The following DACH1 variants were observed in gnomAD, a reference collection of about 807,000 sequenced individuals.
DACH1 encodes the protein dachshund family transcription factor 1, also known as dachshund homolog 1.
Under a neutral mutation model 54.2 loss-of-function variants are expected in DACH1, and 12 were observed. That is an observed-to-expected ratio of 0.22 (90% CI 0.14 to 0.36). The LOEUF is 0.36. Among genes scored for constraint, DACH1 ranks in the 10% least tolerant of loss-of-function variants. The probability of loss-of-function intolerance (pLI) is 1.00; values close to 1 mark genes in which losing one functional copy is unlikely to be tolerated. For synonymous variants in DACH1, 386 were observed against 366.2 expected (o/e 1.05, Z -0.62); for missense variants, 805 against 929.8 (o/e 0.87, Z 1.75).
chr13:71,814,262 T>C (rs1039910192), intron 1 of DACH1, among the ~76,000 whole-genome samples: 3 of 152,224 alleles, frequency 2.0e-5, no homozygotes, highest in African/African-American at 7.2e-5. Context: ...AAATTATGCA[T>C]GTTTCTTAGC....
At chr13:71,774,647 T>G (rs967106228) in intron 1 of DACH1, among the ~76,000 whole-genome samples, 1 of 152,154 alleles carries the variant, frequency 6.6e-6, no homozygotes, top group Non-Finnish European at 1.5e-5. Context: ...TTAGTAACTT[T>G]TGACTCATTC....
intron 3 of DACH1, among the ~76,000 whole-genome samples, chr13:71,580,893 A>G (rs1431310118): frequency 6.6e-6 from 1 of 152,100 alleles, no homozygotes; most frequent in East Asian, 1.9e-4. Flanking sequence ...AGCTGCTGTA[A>G]TCAAATTTAG....
At chr13:71,779,304 T>TA (rs1886267449) in intron 1 of DACH1, among the ~76,000 whole-genome samples, 2 of 145,660 alleles carry the variant, frequency 1.4e-5, no homozygotes, top group African/African-American at 5.0e-5. Context: ...CATATATATA[T>TA]TTATATACAT....
Position 71,501,004 on chromosome 13 carries a change from ACT to A in DACH1, c.1571-11858_1571-11857del, listed in dbSNP as rs1251616454. On this transcript the variant is annotated intron_variant, in intron 6 of 10. Transcript: ENST00000613252. ...CTTCAAGTCTTTAAACAATAGCTTA[ACT>A]CTCTCAACTGAAATTGTCAATCAAA... 4.0e-5 allele frequency among the ~76,000 whole-genome samples: 6 copies of A among 151,830 alleles called. No homozygotes were observed. The South Asian group carries it at 8.3e-4, about 21-fold the overall frequency.
intron 1 of DACH1, among the ~76,000 whole-genome samples, chr13:71,825,602 G>A: frequency 6.6e-6 from 1 of 151,996 alleles, no homozygotes; most frequent in Non-Finnish European, 1.5e-5. Context: ...ATGTTTTCAA[G>A]GTTCACCCAT....
chr13:71,609,607 C>A (rs1875157033), intron 3 of DACH1, among the ~76,000 whole-genome samples: 1 of 151,930 alleles, frequency 6.6e-6, no homozygotes, highest in Non-Finnish European at 1.5e-5. Flanking sequence ...CTCACTACAA[C>A]CTCCACTCCC....
At chr13:71,774,736 G>T (rs1421902621) in intron 1 of DACH1, among the ~76,000 whole-genome samples, 1 of 152,016 alleles carries the variant, frequency 6.6e-6, no homozygotes, top group Non-Finnish European at 1.5e-5. Flanking sequence ...ACACTTTCTA[G>T]GTACATGTCC....
intron 2 of DACH1, among the ~76,000 whole-genome samples, chr13:71,641,597 T>C (rs1042722077): frequency 1.3e-5 from 2 of 152,086 alleles, no homozygotes; most frequent in African/African-American, 4.8e-5. Context: ...AAAAAAACAA[T>C]CCTAGTTAAT....
At chr13:71,831,117 C>A (rs2138206818) in intron 1 of DACH1, among the ~76,000 whole-genome samples, 1 of 151,926 alleles carries the variant, frequency 6.6e-6, no homozygotes, top group East Asian at 1.9e-4. Context: ...TTTTCGCCAC[C>A]ACATGAAGTG....
chr13:71,767,413 A>G (rs1005615460), intron 1 of DACH1, among the ~76,000 whole-genome samples: 4 of 152,134 alleles, frequency 2.6e-5, no homozygotes, highest in Admixed American at 1.3e-4. Context: ...ACCACATAAT[A>G]AAAATTAATC....
intron 2 of DACH1, among the ~76,000 whole-genome samples, chr13:71,673,818 C>A (rs1352981175): frequency 6.6e-6 from 1 of 152,180 alleles, no homozygotes; most frequent in Non-Finnish European, 1.5e-5. Flanking sequence ...TGTCACTTCT[C>A]TAGAGCATCA....
intron 1 of DACH1, among the ~76,000 whole-genome samples, chr13:71,682,156 A>G (rs564557509): frequency 7.2e-5 from 11 of 152,308 alleles, no homozygotes; most frequent in Non-Finnish European, 1.3e-4. Flanking sequence ...CTTCATATTA[A>G]TATCTATACA....
chr13:71,564,767 T>C (rs1447201248), intron 4 of DACH1, among the ~76,000 whole-genome samples: 2 of 152,202 alleles, frequency 1.3e-5, no homozygotes, highest in African/African-American at 4.8e-5. Context: ...AGGGTAAGTA[T>C]AATCACAACT....
At chr13:71,766,563 TC>T (rs1885639057) in intron 1 of DACH1, among the ~76,000 whole-genome samples, 1 of 152,172 alleles carries the variant, frequency 6.6e-6, no homozygotes, top group South Asian at 2.1e-4. Context: ...TGTTTGGGCT[TC>T]CCACAGCTTC....
Position 71,561,117 on chromosome 13 carries a change from C to T in DACH1, c.1300-1162G>A, listed in dbSNP as rs1884555384. On this transcript the variant is annotated intron_variant, in intron 4 of 10. Coordinates refer to ENST00000613252, the MANE Select transcript of DACH1 (RefSeq NM_080759.6). ...TTGTACTGCCAGTGAGAATGATGAT[C>T]GTGCTCATCTTTGGTCAAAGTGATT... Among the ~76,000 whole-genome samples the T allele has an allele frequency of 1.3e-5, 2 of 152,116 alleles. 1 individual carries two copies. The highest frequency in any genetic ancestry group is 4.8e-5 in the African/African-American group (2 of 41,438).
At chr13:71,679,964 A>G (rs1297134145) in intron 2 of DACH1, among the ~76,000 whole-genome samples, 1 of 150,596 alleles carries the variant, frequency 6.6e-6, no homozygotes, top group Non-Finnish European at 1.5e-5. Flanking sequence ...AAAAAAACGG[A>G]AAAGAGAAGT....
chr13:71,582,154 CATA>C, intron 3 of DACH1, among the ~76,000 whole-genome samples: 1 of 152,182 alleles, frequency 6.6e-6, no homozygotes, highest in Non-Finnish European at 1.5e-5. Context: ...AACCAAATTG[CATA>C]ATGTTTTAAT....
chr13:71,545,170 C>A lies in DACH1; in HGVS notation c.1570+11854G>T, dbSNP rs1034775514. On this transcript the variant is annotated intron_variant, in intron 6 of 10. Transcript: ENST00000613252. ...TTACCGATGAAGAAACTGAAGGTCA[C>A]GGACATTCGCTAATTTCCCAAGTTC... Among the ~76,000 whole-genome samples, 7 of 152,138 alleles carry A rather than the reference C, an allele frequency of 4.6e-5. 1 individual carries two copies. In the South Asian group the frequency reaches 1.4e-3, roughly 31 times the overall value.
intron 1 of DACH1, among the ~76,000 whole-genome samples, chr13:71,765,037 C>T (rs1003572533): frequency 6.6e-6 from 1 of 152,184 alleles, no homozygotes; most frequent in East Asian, 1.9e-4. Flanking sequence ...TCCATTCATT[C>T]CAATTTCCAA....
Sources: gnomAD v4.1 joint callset for allele counts (sites outside exome capture counted in the v4.1 genomes callset) on GRCh38, gnomAD v4.1.1 for gene constraint, MANE v1.5 for transcripts, NCBI Gene and HGNC (gene_info 2026-07-23, HGNC 2026-07-21) for gene names.